Variants in LRP12 observed in about 807,000 individuals in gnomAD.
LRP12 encodes the protein low-density lipoprotein receptor-related protein 12.
A neutral mutation model predicts 66.0 loss-of-function variants in LRP12; 14 were observed. That is an observed-to-expected ratio of 0.21 (90% CI 0.14 to 0.33). The LOEUF (loss-of-function observed/expected upper bound fraction) is 0.33. Among genes scored for constraint, LRP12 ranks in the 10% least tolerant of loss-of-function variants. The probability of loss-of-function intolerance (pLI) is 1.00; values close to 1 mark genes in which losing one functional copy is unlikely to be tolerated. For synonymous variants in LRP12, 357 were observed against 359.1 expected (o/e 0.99, Z 0.07); for missense variants, 889 against 1,053.4 (o/e 0.84, Z 2.16).
intron 1 of LRP12, 109 bp from the exon 2 acceptor site, chr8:104,532,072 A>T: frequency 1.6e-6 from 1 of 615,436 alleles, no homozygotes; most frequent in Non-Finnish European, 2.9e-6. Context: ...TTTAATACAG[A>T]GAAGCTAAAG....
intron 2 of LRP12, among the ~76,000 whole-genome samples, chr8:104,514,976 G>C (rs1472523498): frequency 6.6e-6 from 1 of 152,178 alleles, no homozygotes; most frequent in Non-Finnish European, 1.5e-5. Context: ...GAGGATGTGT[G>C]ATTGTTTACT....
In LRP12 at chr8:104,588,999, G is replaced by GCCA. The variant is rs1491015356; in HGVS notation, c.-103_-102insTGG. The GCCA allele has an allele frequency of 6.4e-5, 56 of 870,502 alleles. 1 individual carries two copies. The African/African-American group carries it at 9.3e-4, about 14-fold the overall frequency. 53.9% of individuals were successfully genotyped at this position (870,502 alleles called of 1,614,324 possible). A position where few individuals can be genotyped will look rare whatever the true frequency, so the allele number is the denominator to read the frequency against. ...CGCCGCCGCCGCCGCCGCCGCCGCCGAGCCACCGGCTGCTCCCTGCGCTCT... is the reference window on the plus strand; with the variant it reads ...CGCCGCCGCCGCCGCCGCCGCCGCCGCCAAGCCACCGGCTGCTCCCTGCGCTCT... On this transcript the variant is annotated 5_prime_UTR_variant, in exon 1 of 7. Transcript: ENST00000276654.
chr8:104,588,753 A>G (rs1425682198), intron 1 of LRP12, 66 bp downstream of exon 1: 1 of 1,440,818 alleles, frequency 6.9e-7, no homozygotes, highest in Non-Finnish European at 9.6e-7. Flanking sequence ...CCCGTCCTGG[A>G]GGCCTCGGGG....
chr8:104,490,031 T>A lies in LRP12; in HGVS notation c.*642A>T, dbSNP rs1039343794. 2 of 152,652 alleles carry A rather than the reference T, an allele frequency of 1.3e-5. No homozygotes were observed. The highest frequency in any genetic ancestry group is 2.9e-5 in the Non-Finnish European group (2 of 68,040). 9.5% of individuals were successfully genotyped at this position (152,652 alleles called of 1,614,324 possible). A position where few individuals can be genotyped will look rare whatever the true frequency, so the allele number is the denominator to read the frequency against. On this transcript the variant is annotated 3_prime_UTR_variant, in exon 7 of 7. Transcript: ENST00000276654. ...CCATGTTAGAGTATTAAAGTCAACA[T>A]TAGAAAATCTTTATAAAAGAGTTTT...
chr8:104,567,862 A>G (rs1401385589), intron 1 of LRP12, among the ~76,000 whole-genome samples: 1 of 152,206 alleles, frequency 6.6e-6, no homozygotes, highest in Non-Finnish European at 1.5e-5. Context: ...TGCTCTACAG[A>G]TTCCATGCAA....
At chr8:104,523,038 G>C (rs2140854987) in intron 2 of LRP12, among the ~76,000 whole-genome samples, 2 of 152,208 alleles carry the variant, frequency 1.3e-5, no homozygotes, top group Non-Finnish European at 1.5e-5. Context: ...TTTATGACCT[G>C]TGATACAGTA....
At chr8:104,548,831 C>T (rs1811681645) in intron 1 of LRP12, among the ~76,000 whole-genome samples, 1 of 151,488 alleles carries the variant, frequency 6.6e-6, no homozygotes. Flanking sequence ...GTAATCCCAG[C>T]TACTCAGGAG....
At chr8:104,567,150 G>C (rs1812018090) in intron 1 of LRP12, among the ~76,000 whole-genome samples, 1 of 152,020 alleles carries the variant, frequency 6.6e-6, no homozygotes, top group African/African-American at 2.4e-5. Flanking sequence ...AATTAGGTAA[G>C]GAAAAAAAGC....
chr8:104,575,044 T>C (rs1812142717), intron 1 of LRP12, among the ~76,000 whole-genome samples: 1 of 151,910 alleles, frequency 6.6e-6, no homozygotes, highest in Non-Finnish European at 1.5e-5. Context: ...GAACAGCGTG[T>C]ATAAAGACTG....
chr8:104,560,110 TATTTA>T (rs969440284), intron 1 of LRP12, among the ~76,000 whole-genome samples: 155 of 152,298 alleles, frequency 1.0e-3, no homozygotes, highest in African/African-American at 3.7e-3. Flanking sequence ...CCTTCCAAAA[TATTTA>T]TGGGTCTCAT....
At chr8:104,519,601 T>G (rs551380348) in intron 2 of LRP12, among the ~76,000 whole-genome samples, 28 of 151,944 alleles carry the variant, frequency 1.8e-4, no homozygotes, top group Non-Finnish European at 3.7e-4. Flanking sequence ...GATTTTTAGA[T>G]TAGGGATGCT....
Position 104,490,733 on chromosome 8 carries a change from A to G in LRP12, c.2520T>C (p.Thr840=). 6.2e-7 allele frequency: 1 copy of G among 1,613,974 alleles called. No individual in the cohort carries two copies. The change falls in exon 7 of 7, where the codon ACT becomes ACC. Residue 840 remains threonine, a synonymous_variant. Transcript: ENST00000276654. ...GIVHTAQIPD[T]CLEVTLKNET... ...CGTTTTTCAGTGTTACTTCTAAGCA[A>G]GTGTCTGGTATCTGGGCAGTGTGGA...
chr8:104,562,072 T>C (rs1057321880), intron 1 of LRP12, among the ~76,000 whole-genome samples: 1 of 152,202 alleles, frequency 6.6e-6, no homozygotes. Flanking sequence ...TAAAGTAGTA[T>C]AATCTTTCTG....
intron 6 of LRP12, among the ~76,000 whole-genome samples, chr8:104,492,034 T>C (rs1045528190): frequency 2.0e-5 from 3 of 151,990 alleles, no homozygotes; most frequent in African/African-American, 7.2e-5. Context: ...TTCCAAAACA[T>C]GTGAAAATTG....
At chr8:104,586,117 T>C (rs1812327609) in intron 1 of LRP12, among the ~76,000 whole-genome samples, 2 of 152,214 alleles carry the variant, frequency 1.3e-5, no homozygotes, top group African/African-American at 4.8e-5. Flanking sequence ...TAAGATACAG[T>C]AGCCCCTGAA....
At position 104,500,701 on chromosome 8, in the gene LRP12, TCAAACAAAACAAAAC is replaced by T. The variant is rs371602274; in HGVS notation, c.273-1197_273-1183del. The stretch of plus-strand genomic sequence containing the variant: ...CTGGGCAACAGAGTGAGACTCCGTC[TCAAACAAAACAAAAC>T]CAAACAAAACCAAACAAAACAAAAC... On this transcript the variant is annotated intron_variant, in intron 3 of 6. Coordinates refer to ENST00000276654, the MANE Select transcript of LRP12 (RefSeq NM_013437.5). 3.9e-3 allele frequency among the ~76,000 whole-genome samples: 589 copies of T among 152,308 alleles called. 4 individuals carry two copies. Among genetic ancestry groups the T allele is most frequent in the African/African-American group, 0.013 (543 of 41,570 alleles).
chr8:104,527,222 A>C (rs1274152587), intron 2 of LRP12, among the ~76,000 whole-genome samples: 7 of 143,808 alleles, frequency 4.9e-5, no homozygotes, highest in Non-Finnish European at 1.0e-4. Context: ...GAACACTTTT[A>C]CACTGTTGGT....
rs755408347 is a variant in LRP12, at chr8:104,497,392, C to G, written c.1160G>C (p.Gly387Ala). Residue 387 changes from glycine to alanine, a missense_variant, in exon 5 of 7, where the codon GGG (glycine) becomes GCG (alanine). Gly to Ala is a moderately conservative substitution (Grantham distance 60, BLOSUM62 0). This residue lies in a region of LRP12 where 800 missense variants were observed against 964.5 expected (regional missense o/e 0.83). Transcript: ENST00000276654. The surrounding 1 kb of genome is among the most constrained non-coding windows in gnomAD (Gnocchi z 4.3). ...ACAACGCTGCTGCTCAGTATAACAC[C>G]CCCAGTTACCTCCACAGGGTATTTC... ...PWEIPCGGNW[G>A]CYTEQQRCDG... The G allele has an allele frequency of 3.7e-6, 6 of 1,613,778 alleles. No individual in the cohort carries two copies. The South Asian group carries it at 6.6e-5, about 18-fold the overall frequency.
At chr8:104,524,075 G>A (rs1170855497) in intron 2 of LRP12, among the ~76,000 whole-genome samples, 2 of 151,406 alleles carry the variant, frequency 1.3e-5, no homozygotes, top group East Asian at 1.9e-4. Context: ...GCAAAACCCC[G>A]TCTCTACAAA....
Sources: gnomAD v4.1 joint callset for allele counts (sites outside exome capture counted in the v4.1 genomes callset) on GRCh38, gnomAD v4.1.1 for gene constraint, gnomAD v4.1.1 regional missense constraint, Gnocchi (gnomAD v3.1) non-coding constraint, MANE v1.5 for transcripts, NCBI Gene and HGNC (gene_info 2026-07-23, HGNC 2026-07-21) for gene names.